Variants in DST observed in about 807,000 individuals in gnomAD.
The protein encoded by DST is dystonin.
A neutral mutation model predicts 875.2 loss-of-function variants in DST; 253 were observed. The observed-to-expected ratio is 0.29, with a 90% CI of 0.26 to 0.32. DST has a LOEUF of 0.32. Ranked by LOEUF, DST falls within the 10% of genes least tolerant of loss-of-function variation. The probability of loss-of-function intolerance (pLI) is 1.00; values close to 1 mark genes in which losing one functional copy is unlikely to be tolerated. For missense variants in DST, 8,287 were observed against 9,111.6 expected (o/e 0.91, Z 3.68); for synonymous variants, 3,124 against 3,197.1 (o/e 0.98, Z 0.77).
intron 55 of DST, 108 bp downstream of exon 55, chr6:56,568,361 G>T: frequency 8.3e-7 from 1 of 1,211,548 alleles, no homozygotes; most frequent in Non-Finnish European, 1.1e-6. Context: ...CTTTCACTTT[G>T]TATTTCTGAG....
chr6:56,647,361 A>G (rs1190313168), intron 13 of DST, among the ~76,000 whole-genome samples: 1 of 152,222 alleles, frequency 6.6e-6, no homozygotes, highest in African/African-American at 2.4e-5. Flanking sequence ...AAAAAGTATC[A>G]TATCATCAGA....
intron 60 of DST, among the ~76,000 whole-genome samples, chr6:56,554,974 G>GT (rs2097384802): frequency 6.6e-6 from 1 of 152,202 alleles, no homozygotes; most frequent in Non-Finnish European, 1.5e-5. Flanking sequence ...AATAGATAAA[G>GT]TAACAGCAGA....
At chr6:56,852,855 C>A (rs1765943465) in intron 3 of DST, among the ~76,000 whole-genome samples, 1 of 152,180 alleles carries the variant, frequency 6.6e-6, no homozygotes, top group Non-Finnish European at 1.5e-5. Flanking sequence ...AGCAAAAACA[C>A]TGGGCTTCCC....
At position 56,470,254 on chromosome 6, in the gene DST, G is replaced by A. The variant is rs746597844; in HGVS notation, c.22350C>T (p.Ser7450=). ...SKFPTSRLEM[S]AVADIFDRDG... is the part of the protein sequence containing the mutation. ...CTCTGTCAAAGATGTCTGCAACTGCGCTCATCTCCAAGCGACTGGTTGGAA... is the reference window on the plus strand; with the variant it reads ...CTCTGTCAAAGATGTCTGCAACTGCACTCATCTCCAAGCGACTGGTTGGAA... Residue 7450 remains serine (S), a synonymous_variant, in exon 96 of 104, where the codon AGC becomes AGT. Transcript: ENST00000680361. The A allele has an allele frequency of 1.7e-5, 28 of 1,608,906 alleles. No individual in the cohort carries two copies. Among genetic ancestry groups the A allele is most frequent in the South Asian group, 1.6e-4 (14 of 90,150 alleles).
rs993834701 is a variant in DST at position 56,616,115 on chromosome 6, T to C, written c.4930-1631A>G. ...CCTTTCCCCACTAGCAGTCAGCCAA[T>C]ACCCTGCAACAGGACTGTGCAAATC... On this transcript the variant is annotated intron_variant, in intron 36 of 103. Coordinates refer to ENST00000680361, the MANE Select transcript of DST (RefSeq NM_001374736.1). 4 of 1,614,062 alleles carry C rather than the reference T, an allele frequency of 2.5e-6. No individual in the cohort carries two copies. The highest frequency in any genetic ancestry group is 3.3e-5 in the Admixed American group (2 of 59,994).
intron 4 of DST, among the ~76,000 whole-genome samples, chr6:56,823,828 G>A (rs890673126): frequency 1.3e-5 from 2 of 152,168 alleles, no homozygotes. Context: ...TCTAGAGTTA[G>A]CTTGGTTAAG....
Position 56,635,678 on chromosome 6 carries a change from T to C in DST, c.3097A>G (p.Arg1033Gly). The change falls in exon 24 of 104, where the codon AGG (arginine) becomes GGG (glycine). Residue 1033 changes from arginine to glycine, a missense_variant. By Grantham distance (125) the Arg-to-Gly change is moderately radical. Around this residue, in one of 10 missense-constraint regions of DST, gnomAD observed 1,160 missense variants for 1,424.3 expected, o/e 0.81. Coordinates refer to ENST00000680361, the MANE Select transcript of DST (RefSeq NM_001374736.1). The stretch of plus-strand genomic sequence containing the variant: ...CGCTGAATGGCATCTTTTAGATTCC[T>C]TAAGTAATCAGTAGCTTCTTTGGCA... Reference protein sequence around the residue: ...NDAKEATDYLRNLKDAIQRKY... With the variant: ...NDAKEATDYLGNLKDAIQRKY... 6.2e-7 allele frequency: 1 copy of C among 1,613,868 alleles called. No homozygotes were observed. The highest frequency in any genetic ancestry group is 1.7e-5 in the Admixed American group (1 of 60,026).
chr6:56,800,449 T>A (rs143673128), intron 4 of DST, among the ~76,000 whole-genome samples: 1 of 152,198 alleles, frequency 6.6e-6, no homozygotes, highest in African/African-American at 2.4e-5. Context: ...AAGCATTTAG[T>A]TTGTTTCTGA....
chr6:56,491,005 G>A lies in DST; in HGVS notation c.20757+1222C>T, dbSNP rs114292518. ...ATCCAAGAAACATTTATAAACTGAT[G>A]TTCATAACTCAAGAAATGCCGGCAC... is the stretch of plus-strand genomic sequence containing the variant. On this transcript the variant is annotated intron_variant, in intron 85 of 103. Coordinates refer to ENST00000680361, the MANE Select transcript of DST (RefSeq NM_001374736.1). Among the ~76,000 whole-genome samples the A allele has an allele frequency of 2.8e-3, 421 of 152,286 alleles. 2 individuals carry two copies. Among genetic ancestry groups the A allele is most frequent in the African/African-American group, 9.4e-3 (390 of 41,568 alleles).
Position 56,692,580 on chromosome 6 carries a change from C to T in DST, c.1047+7073G>A, listed in dbSNP as rs548115517. The T allele has an allele frequency of 1.5e-5, 19 of 1,289,658 alleles. No homozygotes were observed. The African/African-American group carries it at 2.4e-4, about 16-fold the overall frequency. 79.9% of individuals were successfully genotyped at this position (1,289,658 alleles called of 1,614,324 possible). On this transcript the variant is annotated intron_variant, in intron 9 of 103. Coordinates refer to ENST00000680361, the MANE Select transcript of DST (RefSeq NM_001374736.1). ...TTTTTTCGAGTGATCTTTCTATACC[C>T]GAGGGAATAGAGCTTAAGCTGGCTG...
chr6:56,673,277 A>AAAAC (rs1563601152), intron 9 of DST, among the ~76,000 whole-genome samples: 1 of 152,140 alleles, frequency 6.6e-6, no homozygotes, highest in African/African-American at 2.4e-5. Flanking sequence ...CAAAACAAAA[A>AAAAC]AAGAAATAAA....
chr6:56,899,780 A>T (rs1793169431), intron 3 of DST, among the ~76,000 whole-genome samples: 1 of 152,208 alleles, frequency 6.6e-6, no homozygotes, highest in South Asian at 2.1e-4. Flanking sequence ...CGTGCTCAGG[A>T]TGTGAGAAGG....
At position 56,762,559 on chromosome 6, in the gene DST, A is replaced by G. The variant is rs575656415; in HGVS notation, c.626-27270T>C. On this transcript the variant is annotated intron_variant, in intron 4 of 103. Transcript: ENST00000680361. Reference sequence around the variant, plus strand: ...ACTTCTGCCTCCCTTTCTTAACTATATACTTCTTTAAAGACAAGAATGCTA... The same window carrying G: ...ACTTCTGCCTCCCTTTCTTAACTATGTACTTCTTTAAAGACAAGAATGCTA... 3.9e-5 allele frequency among the ~76,000 whole-genome samples: 6 copies of G among 152,272 alleles called. No homozygotes were observed. In the South Asian group the frequency reaches 1.2e-3, roughly 32 times the overall value.
intron 3 of DST, among the ~76,000 whole-genome samples, chr6:56,885,435 C>G (rs567524507): frequency 1.3e-5 from 2 of 152,170 alleles, no homozygotes; most frequent in South Asian, 4.2e-4. Flanking sequence ...ACATTCCCAC[C>G]AAGAGTGCAC....
chr6:56,491,723 T>C (rs1297846454), intron 85 of DST, among the ~76,000 whole-genome samples: 1 of 152,012 alleles, frequency 6.6e-6, no homozygotes, highest in Non-Finnish European at 1.5e-5. Context: ...TTCAAAGAGG[T>C]GGGGAGTGCC....
intron 2 of DST, among the ~76,000 whole-genome samples, chr6:56,904,839 G>C (rs541258174): frequency 6.6e-6 from 1 of 152,306 alleles, no homozygotes; most frequent in East Asian, 1.9e-4. Context: ...CGCTAGGCTG[G>C]AGTGCAGTGG....
intron 2 of DST, among the ~76,000 whole-genome samples, chr6:56,906,862 C>A (rs1403367909): frequency 2.0e-5 from 3 of 152,192 alleles, no homozygotes; most frequent in African/African-American, 4.8e-5. Context: ...TCCTCATCAA[C>A]AAACACTTAT....
At chr6:56,521,103 C>T (rs1200129760) in intron 69 of DST, among the ~76,000 whole-genome samples, 1 of 151,998 alleles carries the variant, frequency 6.6e-6, no homozygotes, top group Non-Finnish European at 1.5e-5. Context: ...AAAAACATTT[C>T]ATCAACTAAT....
chr6:56,842,341 A>G (rs940301280), intron 4 of DST, among the ~76,000 whole-genome samples: 4 of 152,208 alleles, frequency 2.6e-5, no homozygotes, highest in African/African-American at 9.7e-5. Context: ...ATACATTTCC[A>G]GACACAAAAA....
Sources: allele counts gnomAD v4.1 joint callset (sites outside exome capture counted in the v4.1 genomes callset), GRCh38; gene constraint gnomAD v4.1.1; regional missense constraint gnomAD v4.1.1; transcripts MANE v1.5; gene names NCBI Gene and HGNC (gene_info 2026-07-23, HGNC 2026-07-21).